ARHGAP8: variants seen among roughly 807,000 people sequenced by gnomAD.
ARHGAP8 encodes Rho GTPase activating protein 8.
Under a neutral mutation model 46.1 loss-of-function variants are expected in ARHGAP8, and 62 were observed. That is an observed-to-expected ratio of 1.34 (90% CI 1.10 to 1.66). The LOEUF (loss-of-function observed/expected upper bound fraction) is 1.66. Ranked by LOEUF, ARHGAP8 falls within the 40% of genes most tolerant of loss-of-function variation. The pLI is 0.00. For synonymous variants in ARHGAP8, 375 were observed against 243.1 expected (o/e 1.54, Z -5.05); for missense variants, 923 against 568.4 (o/e 1.62, Z -6.34).
chr22:44,837,039 C>G (rs959677253), intron 7 of ARHGAP8, among the ~76,000 whole-genome samples: 4 of 152,086 alleles, frequency 2.6e-5, no homozygotes, highest in Non-Finnish European at 4.4e-5. Flanking sequence ...CGCGTGCCAC[C>G]GTACCTGGCT....
At chr22:44,771,690 G>A (rs1207159035) in intron 1 of ARHGAP8, among the ~76,000 whole-genome samples, 1 of 151,544 alleles carries the variant, frequency 6.6e-6, no homozygotes, top group Non-Finnish European at 1.5e-5. Context: ...GAGTAGCTGG[G>A]ATTACAGGCA....
intron 7 of ARHGAP8, among the ~76,000 whole-genome samples, chr22:44,833,131 C>T (rs1185642101): frequency 7.8e-6 from 1 of 128,462 alleles, no homozygotes; most frequent in Admixed American, 9.0e-5. Flanking sequence ...GAGTCTCCCT[C>T]TGTTGCGTAG....
intron 7 of ARHGAP8, among the ~76,000 whole-genome samples, chr22:44,827,254 T>C (rs1930586257): frequency 2.0e-5 from 3 of 149,074 alleles, no homozygotes; most frequent in Admixed American, 1.3e-4. Context: ...CCCTGGAGCC[T>C]CCAGGTGGAA....
At position 44,795,679 on chromosome 22, in the gene ARHGAP8, G is replaced by A. The variant is rs145939773; in HGVS notation, c.80-6398G>A. ...GATGAGCCTGTAGGTGTGAGAAGGA[G>A]GGTGCTGGGACCTGCGGAAAAGCTG... is the stretch of plus-strand genomic sequence containing the variant. On this transcript the variant is annotated intron_variant, in intron 2 of 11. Transcript: ENST00000356099. Among the ~76,000 whole-genome samples, 369 of 152,292 alleles carry A rather than the reference G, an allele frequency of 2.4e-3. 4 individuals are homozygous for A. The East Asian group carries it at 0.036, about 15-fold the overall frequency.
At position 44,862,420 on chromosome 22, in the gene ARHGAP8, A is replaced by G. The variant is rs562032283; in HGVS notation, c.1127A>G (p.Tyr376Cys). The G allele has an allele frequency of 7.4e-6, 12 of 1,614,118 alleles. No individual in the cohort carries two copies. Among genetic ancestry groups the G allele is most frequent in the African/African-American group, 1.3e-5 (1 of 75,028 alleles). Residue 376 changes from tyrosine to cysteine, a missense_variant, in exon 12 of 12, where the codon TAC becomes TGC. Coordinates refer to ENST00000356099, the MANE Select transcript of ARHGAP8 (RefSeq NM_181335.3). Reference sequence around the variant, plus strand: ...ATGTTCACTGAACTGCTGATCGAGTACTATGAAAAGATCTTCAGCACCCCG... The same window carrying G: ...ATGTTCACTGAACTGCTGATCGAGTGCTATGAAAAGATCTTCAGCACCCCG... ...LNMFTELLIE[Y>C]YEKIFSTPEA...
intron 10 of ARHGAP8, 124 bp downstream of exon 10, chr22:44,849,184 A>G: frequency 6.5e-7 from 1 of 1,532,798 alleles, no homozygotes; most frequent in Non-Finnish European, 8.8e-7. Flanking sequence ...TCCTGTTGCC[A>G]TCTGGCACTG....
intron 2 of ARHGAP8, among the ~76,000 whole-genome samples, chr22:44,799,216 G>A (rs1287602040): frequency 6.6e-6 from 1 of 152,330 alleles, no homozygotes; most frequent in African/African-American, 2.4e-5. Context: ...CCCTTTGAAG[G>A]GATGAGCCCA....
chr22:44,789,400 C>T (rs1927502635), intron 2 of ARHGAP8, among the ~76,000 whole-genome samples: 1 of 152,194 alleles, frequency 6.6e-6, no homozygotes, highest in Admixed American at 6.5e-5. Context: ...ATCCGCCCGC[C>T]TCAGCCTCCC....
chr22:44,782,296 C>G (rs1241602789), intron 1 of ARHGAP8, among the ~76,000 whole-genome samples: 1 of 152,108 alleles, frequency 6.6e-6, no homozygotes, highest in East Asian at 1.9e-4. Flanking sequence ...AAGATCGCAC[C>G]AGTGCACTCC....
At chr22:44,781,620 T>C (rs1264854429) in intron 1 of ARHGAP8, among the ~76,000 whole-genome samples, 1 of 151,742 alleles carries the variant, frequency 6.6e-6, no homozygotes, top group African/African-American at 2.4e-5. Flanking sequence ...GGCTCCCAGG[T>C]TCAAGGGATT....
chr22:44,855,563 A>T lies in ARHGAP8; in HGVS notation c.878-4168A>T, dbSNP rs115566309. Among the ~76,000 whole-genome samples the T allele has an allele frequency of 3.2e-3, 494 of 152,334 alleles. 5 individuals carry two copies. Among genetic ancestry groups the T allele is most frequent in the African/African-American group, 0.011 (473 of 41,556 alleles). The stretch of plus-strand genomic sequence containing the variant: ...TATCAGTATTTCAGGAGAAGGCCCT[A>T]AAGATTTTTTTCTTTGGCCAGTTTG... On this transcript the variant is annotated intron_variant, in intron 10 of 11. Coordinates refer to ENST00000356099, the MANE Select transcript of ARHGAP8 (RefSeq NM_181335.3).
intron 1 of ARHGAP8, among the ~76,000 whole-genome samples, chr22:44,755,219 G>A (rs1924574680): frequency 6.6e-6 from 1 of 152,236 alleles, no homozygotes; most frequent in Admixed American, 6.5e-5. Flanking sequence ...CAGCGGTGCT[G>A]CAGCTACAGT....
chr22:44,787,156 G>T (rs1397401460), intron 2 of ARHGAP8, among the ~76,000 whole-genome samples: 1 of 152,106 alleles, frequency 6.6e-6, no homozygotes, highest in Non-Finnish European at 1.5e-5. Flanking sequence ...AAGCCAACGG[G>T]CAGTGTCCTG....
At chr22:44,792,259 C>T (rs1927748500) in intron 2 of ARHGAP8, among the ~76,000 whole-genome samples, 1 of 152,136 alleles carries the variant, frequency 6.6e-6, no homozygotes, top group African/African-American at 2.4e-5. Context: ...ATCCACCTGC[C>T]TCGGCCTCCC....
chr22:44,859,555 A>C (rs1569186133), intron 10 of ARHGAP8, 176 bp from the exon 11 acceptor site: 2 of 635,258 alleles, frequency 3.1e-6, no homozygotes, highest in South Asian at 3.7e-5. Flanking sequence ...AGCCAAACAC[A>C]CAGGTTTGCT....
chr22:44,849,480 A>C (rs1207854134), intron 10 of ARHGAP8: 3 of 224,656 alleles, frequency 1.3e-5, no homozygotes, highest in Non-Finnish European at 2.7e-5. Flanking sequence ...CATATATCAC[A>C]GGAACTGAGC....
chr22:44,821,391 T>C (rs954042876), intron 5 of ARHGAP8, among the ~76,000 whole-genome samples: 1 of 150,872 alleles, frequency 6.6e-6, no homozygotes, highest in Non-Finnish European at 1.5e-5. Flanking sequence ...ATCACACCAC[T>C]GCACTCCAGC....
intron 7 of ARHGAP8, among the ~76,000 whole-genome samples, chr22:44,835,537 C>T (rs888750403): frequency 6.6e-6 from 1 of 152,296 alleles, no homozygotes; most frequent in South Asian, 2.1e-4. Flanking sequence ...AGGAGAATCA[C>T]TTGAACCGGG....
intron 7 of ARHGAP8, among the ~76,000 whole-genome samples, chr22:44,832,581 C>T (rs951818625): frequency 2.6e-5 from 4 of 152,068 alleles, no homozygotes; most frequent in Admixed American, 2.6e-4. Context: ...TCTAGAAATA[C>T]ATTTTTTAAA....
Sources: allele counts gnomAD v4.1 joint callset (sites outside exome capture counted in the v4.1 genomes callset), GRCh38; gene constraint gnomAD v4.1.1; transcripts MANE v1.5; gene names NCBI Gene and HGNC (gene_info 2026-07-23, HGNC 2026-07-21).